PSD3: variants seen among roughly 807,000 people sequenced by gnomAD.
PSD3 encodes the protein PH and SEC7 domain-containing protein 3.
In PSD3, 49 loss-of-function variants were observed where a neutral mutation model predicts 105.5. The ratio of observed to expected loss-of-function variants is 0.46; its 90% CI spans 0.37 to 0.59. The LOEUF (loss-of-function observed/expected upper bound fraction) is 0.59, where lower values mean the gene tolerates loss of function less well. Ranked by LOEUF, PSD3 falls within the 20% of genes least tolerant of loss-of-function variation. The pLI is 0.00. For missense variants in PSD3, 1,561 were observed against 1,263.8 expected, an observed-to-expected ratio of 1.24 and a Z score of -3.57; for synonymous variants, 557 against 457.8, an observed-to-expected ratio of 1.22 and a Z score of -2.77.
chr8:18,933,768 A>G (rs570268965), intron 2 of PSD3, among the ~76,000 whole-genome samples: 1 of 152,302 alleles, frequency 6.6e-6, no homozygotes, highest in African/African-American at 2.4e-5. Flanking sequence ...ACGCCAGGCC[A>G]ATGCCAAAGA....
At chr8:18,640,875 G>T (rs76884873) in intron 10 of PSD3, among the ~76,000 whole-genome samples, 1 of 152,124 alleles carries the variant, frequency 6.6e-6, no homozygotes, top group African/African-American at 2.4e-5. Flanking sequence ...CAGGTAAACC[G>T]CTCTATCCCT....
chr8:18,747,061 A>C (rs924091893), intron 9 of PSD3, among the ~76,000 whole-genome samples: 1 of 152,230 alleles, frequency 6.6e-6, no homozygotes, highest in African/African-American at 2.4e-5. Flanking sequence ...TTCATATGAG[A>C]TAATGTGAAG....
intron 4 of PSD3, among the ~76,000 whole-genome samples, chr8:18,830,083 T>C (rs1813559029): frequency 6.6e-6 from 1 of 152,140 alleles, no homozygotes; most frequent in African/African-American, 2.4e-5. Context: ...TTCTCCTGTG[T>C]CAGCCTCCCG....
intron 8 of PSD3, among the ~76,000 whole-genome samples, chr8:18,785,886 T>A (rs1809096473): frequency 6.6e-6 from 1 of 152,176 alleles, no homozygotes; most frequent in African/African-American, 2.4e-5. Flanking sequence ...AAAACATATA[T>A]ATTTATCAAT....
intron 14 of PSD3, among the ~76,000 whole-genome samples, chr8:18,566,234 A>G (rs1027159399): frequency 6.6e-6 from 1 of 152,176 alleles, no homozygotes; most frequent in African/African-American, 2.4e-5. Context: ...CTTTGGATAG[A>G]AAAATCCTTG....
chr8:18,952,377 G>GA (rs139593199), intron 1 of PSD3, among the ~76,000 whole-genome samples: 29,813 of 152,104 alleles, frequency 0.2, 3,158 homozygotes, highest in African/African-American at 0.28. Flanking sequence ...TGTTTCTGGG[G>GA]AAAAATAACA....
intron 4 of PSD3, among the ~76,000 whole-genome samples, chr8:18,857,635 C>T (rs1487160351): frequency 1.3e-5 from 2 of 152,196 alleles, no homozygotes; most frequent in Non-Finnish European, 2.9e-5. Flanking sequence ...AGCTTTGCTC[C>T]ATGGACCACC....
chr8:18,561,371 C>T (rs6991911), intron 14 of PSD3, among the ~76,000 whole-genome samples: 10,637 of 152,060 alleles, frequency 0.07, 846 homozygotes, highest in African/African-American at 0.19. Flanking sequence ...TGAAGTAAGA[C>T]CGGCACAGAA....
At chr8:19,045,759 G>A (rs1371417373) in intron 1 of PSD3, among the ~76,000 whole-genome samples, 1 of 152,156 alleles carries the variant, frequency 6.6e-6, no homozygotes, top group Non-Finnish European at 1.5e-5. Flanking sequence ...TGGGAGGGTG[G>A]AGAAGATGCT....
chr8:18,809,031 A>G (rs1563297133), intron 4 of PSD3: 1 of 950,770 alleles, frequency 1.1e-6, no homozygotes, highest in Non-Finnish European at 1.5e-6. Context: ...CGAGAACGTA[A>G]GAAACAGTGA....
chr8:19,074,606 TATA>T (rs1193200894), intron 1 of PSD3, among the ~76,000 whole-genome samples: 1 of 12,466 alleles, frequency 8.0e-5, no homozygotes, highest in Non-Finnish European at 2.8e-4. Flanking sequence ...TATATATATA[TATA>T]TATTTTTTTT....
At chr8:18,789,730 A>C (rs556701970) in intron 8 of PSD3, among the ~76,000 whole-genome samples, 33 of 152,336 alleles carry the variant, frequency 2.2e-4, no homozygotes, top group Non-Finnish European at 4.3e-4. Flanking sequence ...CTGTAGCAGG[A>C]CTGGCATTAA....
intron 4 of PSD3, among the ~76,000 whole-genome samples, chr8:18,862,681 T>G (rs1816539182): frequency 6.6e-6 from 1 of 151,560 alleles, no homozygotes; most frequent in Admixed American, 6.6e-5. Flanking sequence ...TCTTTTAATA[T>G]TTATATATTA....
chr8:18,860,966 C>G (rs967464673), intron 4 of PSD3, among the ~76,000 whole-genome samples: 6 of 152,154 alleles, frequency 3.9e-5, no homozygotes, highest in Non-Finnish European at 8.8e-5. Flanking sequence ...GCTCTTCACA[C>G]CAGTAGCCAC....
At chr8:18,801,179 T>C in intron 7 of PSD3, 91 bp downstream of exon 7, 3 of 721,378 alleles carry the variant, frequency 4.2e-6, no homozygotes, top group Non-Finnish European at 6.9e-6. Flanking sequence ...TAACTGAAGA[T>C]ACATAATTTC....
chr8:19,012,556 C>G (rs921839986), intron 1 of PSD3, among the ~76,000 whole-genome samples: 2 of 152,134 alleles, frequency 1.3e-5, no homozygotes, highest in African/African-American at 4.8e-5. Context: ...TGAGAACTTC[C>G]AAGCCCGGAG....
chr8:18,960,686 T>C (rs959772733), intron 1 of PSD3, among the ~76,000 whole-genome samples: 7 of 152,072 alleles, frequency 4.6e-5, no homozygotes, highest in African/African-American at 1.7e-4. Context: ...AGATCCTAAC[T>C]GAAAAGAATA....
intron 8 of PSD3, among the ~76,000 whole-genome samples, chr8:18,796,228 A>C (rs1810164659): frequency 6.6e-6 from 1 of 152,156 alleles, no homozygotes; most frequent in Admixed American, 6.5e-5. Context: ...GAGAAGTTTA[A>C]CATGATCCAA....
At chr8:18,708,575 C>G (rs1002641760) in intron 9 of PSD3, among the ~76,000 whole-genome samples, 11 of 152,212 alleles carry the variant, frequency 7.2e-5, no homozygotes, top group African/African-American at 2.6e-4. Context: ...TTACTCTAAC[C>G]TTCTGTAACA....
Sources: allele counts gnomAD v4.1 joint callset (sites outside exome capture counted in the v4.1 genomes callset), GRCh38; gene constraint gnomAD v4.1.1; transcripts MANE v1.5; gene names NCBI Gene and HGNC (gene_info 2026-07-23, HGNC 2026-07-21).